Variants in LRRFIP2 observed in about 807,000 individuals in gnomAD.
The protein encoded by LRRFIP2 is LRR binding FLII interacting protein 2.
Under a neutral mutation model 125.9 loss-of-function variants are expected in LRRFIP2, and 109 were observed. That is an observed-to-expected ratio of 0.87 (90% CI 0.74 to 1.01). The LOEUF (loss-of-function observed/expected upper bound fraction) is 1.01, where lower values mean the gene tolerates loss of function less well. Ranked by LOEUF, LRRFIP2 falls within the 50% of genes least tolerant of loss-of-function variation. LRRFIP2 has a pLI of 0.00. For missense variants in LRRFIP2, 850 were observed against 862.3 expected (o/e 0.99, Z 0.18); for synonymous variants, 291 against 293.1 (o/e 0.99, Z 0.07).
chr3:37,066,172 G>C, intron 22 of LRRFIP2, 52 bp downstream of exon 22: 2 of 1,475,624 alleles, frequency 1.4e-6, no homozygotes, highest in Non-Finnish European at 1.9e-6. Context: ...AAGGAAGGAA[G>C]ATAGAGAGTA....
chr3:37,121,879 TGTG>T (rs1559942642), intron 4 of LRRFIP2, among the ~76,000 whole-genome samples, 188 bp from the exon 5 acceptor site: 2 of 146,510 alleles, frequency 1.4e-5, no homozygotes, highest in Non-Finnish European at 3.0e-5. Flanking sequence ...TGTGTGTGTG[TGTG>T]TGTGTAAGTT....
chr3:37,149,796 T>A (rs904751284), intron 1 of LRRFIP2, among the ~76,000 whole-genome samples: 1 of 151,340 alleles, frequency 6.6e-6, no homozygotes, highest in Non-Finnish European at 1.5e-5. Flanking sequence ...AAGCCAGGAG[T>A]TCGAGACCAG....
intron 1 of LRRFIP2, among the ~76,000 whole-genome samples, chr3:37,154,809 A>G (rs1016412754): frequency 1.4e-4 from 21 of 152,248 alleles, no homozygotes; most frequent in African/African-American, 4.8e-4. Context: ...ATGTGCATGT[A>G]GCATCAGTAT....
Position 37,094,901 on chromosome 3 carries a change from G to A in LRRFIP2, c.926C>T (p.Ser309Phe). 2 of 1,599,170 alleles carry A rather than the reference G, an allele frequency of 1.3e-6. No individual in the cohort carries two copies. The highest frequency in any genetic ancestry group is 8.6e-7 in the Non-Finnish European group (1 of 1,166,504). ...GGTTGTTGCTGAGGCAGAATTTCGAGATGAAGGCTAGAAAGAGAAATATGA... is the reference window on the plus strand; with the variant it reads ...GGTTGTTGCTGAGGCAGAATTTCGAAATGAAGGCTAGAAAGAGAAATATGA... ...QYAENYTRPSSRNSASATTPL... is the reference protein window; with the variant it reads ...QYAENYTRPSFRNSASATTPL... The change falls in exon 17 of 28, where the codon TCT (serine) becomes TTT (phenylalanine). Residue 309 changes from serine (S) to phenylalanine (F), a missense_variant. Physicochemically the swap from Ser to Phe is radical, Grantham distance 155. Coordinates refer to ENST00000336686, the MANE Select transcript of LRRFIP2 (RefSeq NM_006309.4).
At chr3:37,170,298 T>C (rs533007160) in intron 1 of LRRFIP2, 1 of 152,362 alleles carries the variant, frequency 6.6e-6, no homozygotes, top group Admixed American at 6.5e-5. Flanking sequence ...TATGGTGACA[T>C]GAACCTTGGT....
chr3:37,137,780 C>T (rs1197087757), intron 2 of LRRFIP2, among the ~76,000 whole-genome samples: 1 of 152,184 alleles, frequency 6.6e-6, no homozygotes, highest in Non-Finnish European at 1.5e-5. Context: ...CTTGTCAGCA[C>T]CAAAACCAGA....
intron 13 of LRRFIP2, among the ~76,000 whole-genome samples, chr3:37,105,886 G>A (rs1207936049): frequency 6.6e-6 from 1 of 152,142 alleles, no homozygotes; most frequent in African/African-American, 2.4e-5. Context: ...CCAACATGGT[G>A]AAACCCCGTC....
intron 4 of LRRFIP2, among the ~76,000 whole-genome samples, chr3:37,126,715 T>C (rs1366777833): frequency 6.6e-6 from 1 of 151,748 alleles, no homozygotes; most frequent in Non-Finnish European, 1.5e-5. Flanking sequence ...AAAAATCAGC[T>C]GGGCATGGTG....
intron 2 of LRRFIP2, among the ~76,000 whole-genome samples, chr3:37,133,904 T>C (rs2095490969): frequency 6.6e-6 from 1 of 152,204 alleles, no homozygotes; most frequent in Admixed American, 6.5e-5. Context: ...TTAGAGTCTT[T>C]CGGCTGATAT....
At chr3:37,159,257 G>A (rs1488000384) in intron 1 of LRRFIP2, among the ~76,000 whole-genome samples, 1 of 152,090 alleles carries the variant, frequency 6.6e-6, no homozygotes, top group Admixed American at 6.6e-5. Context: ...TTCTCCCACT[G>A]AATTACCTTG....
chr3:37,102,575 T>C (rs2094121839), intron 15 of LRRFIP2, among the ~76,000 whole-genome samples: 1 of 149,700 alleles, frequency 6.7e-6, no homozygotes, highest in East Asian at 2.0e-4. Context: ...CTCGGCTCAC[T>C]GCAACCTCCA....
intron 6 of LRRFIP2, among the ~76,000 whole-genome samples, chr3:37,117,756 T>TTATATAG (rs2094857348): frequency 1.3e-5 from 2 of 152,136 alleles, no homozygotes; most frequent in Non-Finnish European, 2.9e-5. Flanking sequence ...AGAATGTACC[T>TTATATAG]ATTACTCAAA....
At chr3:37,079,877 CTA>C (rs778007904) in intron 19 of LRRFIP2, among the ~76,000 whole-genome samples, 5 of 151,962 alleles carry the variant, frequency 3.3e-5, no homozygotes, top group Non-Finnish European at 7.4e-5. Flanking sequence ...ATAGGGAACT[CTA>C]TAGATAGAAA....
chr3:37,094,938 C>A, intron 16 of LRRFIP2, 30 bp from the exon 17 acceptor site: 1 of 1,338,174 alleles, frequency 7.5e-7, no homozygotes, highest in South Asian at 1.2e-5. Flanking sequence ...CCTTCTAAGT[C>A]TCATTTCTTT....
chr3:37,078,700 C>T (rs1241870593), intron 19 of LRRFIP2, among the ~76,000 whole-genome samples: 2 of 152,212 alleles, frequency 1.3e-5, no homozygotes, highest in Non-Finnish European at 2.9e-5. Context: ...CAATGAGCAT[C>T]TCTAGCACTC....
At chr3:37,092,332 A>G (rs1212987678) in intron 17 of LRRFIP2, among the ~76,000 whole-genome samples, 1 of 152,212 alleles carries the variant, frequency 6.6e-6, no homozygotes, top group Non-Finnish European at 1.5e-5. Context: ...AAGCAGGATC[A>G]ATTATTAAAG....
At chr3:37,114,314 G>T (rs886268321) in intron 7 of LRRFIP2, among the ~76,000 whole-genome samples, 4 of 152,104 alleles carry the variant, frequency 2.6e-5, no homozygotes, top group Admixed American at 2.6e-4. Context: ...GATGTCTTAG[G>T]TGTCCTCTAA....
chr3:37,168,000 A>AT (rs754214289), intron 1 of LRRFIP2, among the ~76,000 whole-genome samples: 15 of 152,222 alleles, frequency 9.9e-5, no homozygotes, highest in Non-Finnish European at 1.8e-4. Context: ...TCAATCAATA[A>AT]GAAAACAGAA....
chr3:37,070,468 G>T (rs2090981926), intron 21 of LRRFIP2, among the ~76,000 whole-genome samples: 1 of 151,972 alleles, frequency 6.6e-6, no homozygotes, highest in Non-Finnish European at 1.5e-5. Flanking sequence ...GGGCACAGTG[G>T]CTCATGCCTG....
Sources: allele counts gnomAD v4.1 joint callset (sites outside exome capture counted in the v4.1 genomes callset), GRCh38; gene constraint gnomAD v4.1.1; transcripts MANE v1.5; gene names NCBI Gene and HGNC (gene_info 2026-07-23, HGNC 2026-07-21).